Variants in UBE2E2 observed in about 807,000 individuals in gnomAD.
UBE2E2 encodes the protein ubiquitin-conjugating enzyme E2 E2.
Under a neutral mutation model 24.7 loss-of-function variants are expected in UBE2E2, and 6 were observed. That is an observed-to-expected ratio of 0.24 (90% CI 0.13 to 0.48). The LOEUF (loss-of-function observed/expected upper bound fraction) is 0.48. UBE2E2 is among the 20% of genes least tolerant of loss of function. The pLI is 0.99. For synonymous variants in UBE2E2, 104 were observed against 83.6 expected (o/e 1.24, Z -1.33); for missense variants, 169 against 245.0 (o/e 0.69, Z 2.07).
rs1433298949 is a variant in UBE2E2 at position 23,280,905 on chromosome 3, C to G, written c.227+63593C>G. On this transcript the variant is annotated intron_variant, in intron 3 of 5. Coordinates refer to ENST00000396703, the MANE Select transcript of UBE2E2 (RefSeq NM_152653.4). This position sits in a 1 kb window ranked among gnomAD's most constrained non-coding sequence, Gnocchi z 4.3. ...CTTAAACAGCATTTATTTCTCACAA[C>G]TCAGGAGATTGGGAAGTCCAAGATC... 6.6e-6 allele frequency among the ~76,000 whole-genome samples: 1 copy of G among 152,200 alleles called. No individual in the cohort carries two copies. The highest frequency in any genetic ancestry group is 2.4e-5 in the African/African-American group (1 of 41,452).
chr3:23,478,699 C>A (rs918636028), intron 3 of UBE2E2, among the ~76,000 whole-genome samples: 4 of 152,086 alleles, frequency 2.6e-5, no homozygotes, highest in Admixed American at 6.5e-5. Context: ...CTCATTTGAT[C>A]ATCCTTTTAC....
chr3:23,569,762 A>G (rs567877993), intron 5 of UBE2E2, among the ~76,000 whole-genome samples: 1 of 152,312 alleles, frequency 6.6e-6, no homozygotes, highest in South Asian at 2.1e-4. Flanking sequence ...CTAAAAGGAC[A>G]TTTTATATTT....
chr3:23,272,743 T>C (rs931007494), intron 3 of UBE2E2, among the ~76,000 whole-genome samples: 34 of 152,024 alleles, frequency 2.2e-4, no homozygotes, highest in Non-Finnish European at 2.2e-4. Context: ...TGCCAAGATA[T>C]GGAGACGGCA....
chr3:23,207,430 A>G lies in UBE2E2; in HGVS notation c.-8-1262A>G, dbSNP rs966204839. ...GGATATTTTAGCCAGAATGTGGGGA[A>G]AAAAAAAAAAATCTTCAGTGTCTTC... is the stretch of plus-strand genomic sequence containing the variant. On this transcript the variant is annotated intron_variant, in intron 1 of 5. Transcript: ENST00000396703. 8.6e-5 allele frequency among the ~76,000 whole-genome samples: 7 copies of G among 81,376 alleles called. 1 individual carries two copies. The highest frequency in any genetic ancestry group is 8.0e-4 in the South Asian group (2 of 2,492). The allele number at this position is 81,376 out of a possible 152,430, so 53.4% of individuals were successfully genotyped here. A position where few individuals can be genotyped will look rare whatever the true frequency, so the allele number is the denominator to read the frequency against.
intron 3 of UBE2E2, among the ~76,000 whole-genome samples, chr3:23,459,450 G>A (rs1698760122): frequency 6.6e-6 from 1 of 152,132 alleles, no homozygotes; most frequent in Non-Finnish European, 1.5e-5. Context: ...AGAACTTTTA[G>A]CTCTTCTCCA....
chr3:23,400,057 G>T (rs1373925453), intron 3 of UBE2E2, among the ~76,000 whole-genome samples: 2 of 152,030 alleles, frequency 1.3e-5, no homozygotes, highest in Non-Finnish European at 2.9e-5. Context: ...CTACTCCACT[G>T]ATAAAATGCT....
At position 23,462,201 on chromosome 3, in the gene UBE2E2, G is replaced by C. The variant is rs543100977; in HGVS notation, c.228-37407G>C. Among the ~76,000 whole-genome samples, 292 of 150,902 alleles carry C rather than the reference G, an allele frequency of 1.9e-3. 2 individuals are homozygous for C. The highest frequency in any genetic ancestry group is 3.4e-3 in the Non-Finnish European group (233 of 67,866). On this transcript the variant is annotated intron_variant, in intron 3 of 5. Coordinates refer to ENST00000396703, the MANE Select transcript of UBE2E2 (RefSeq NM_152653.4). ...TAACACTTTCTGTACTTTATCTGCT[G>C]TTCTTAATATTGCTAAGATTCTTAT...
At chr3:23,467,523 A>G (rs1208641764) in intron 3 of UBE2E2, among the ~76,000 whole-genome samples, 2 of 152,206 alleles carry the variant, frequency 1.3e-5, no homozygotes, top group Admixed American at 6.5e-5. Context: ...GGGCCTAACA[A>G]TCCTTACTTC....
chr3:23,575,590 TACA>T (rs1393549535), intron 5 of UBE2E2, among the ~76,000 whole-genome samples: 3 of 152,162 alleles, frequency 2.0e-5, no homozygotes, highest in African/African-American at 7.2e-5. Flanking sequence ...TAAATACAGG[TACA>T]ACGACAGATT....
chr3:23,339,933 C>T (rs1317643792), intron 3 of UBE2E2, among the ~76,000 whole-genome samples: 1 of 151,858 alleles, frequency 6.6e-6, no homozygotes, highest in Non-Finnish European at 1.5e-5. Flanking sequence ...ACGGGAAATA[C>T]TGAAATATTT....
chr3:23,504,338 G>T (rs894517436), intron 4 of UBE2E2, among the ~76,000 whole-genome samples: 7 of 152,120 alleles, frequency 4.6e-5, no homozygotes, highest in African/African-American at 1.7e-4. Flanking sequence ...TCACTTTCAT[G>T]TGGCTGAACA....
intron 3 of UBE2E2, among the ~76,000 whole-genome samples, chr3:23,339,053 A>G (rs1695299288): frequency 6.6e-6 from 1 of 152,198 alleles, no homozygotes. Context: ...TTCTTAACCA[A>G]CTAATCAAAG....
chr3:23,352,375 A>C (rs1201424034), intron 3 of UBE2E2, among the ~76,000 whole-genome samples: 2 of 152,206 alleles, frequency 1.3e-5, no homozygotes, highest in Non-Finnish European at 2.9e-5. Context: ...GCAAGAAATA[A>C]CTAAAATCAG....
chr3:23,524,849 TACACACAG>T (rs1036851446), intron 4 of UBE2E2, among the ~76,000 whole-genome samples: 13 of 132,364 alleles, frequency 9.8e-5, no homozygotes, highest in Non-Finnish European at 1.8e-4. Context: ...GAGATACAGA[TACACACAG>T]ACACACAGAC....
chr3:23,215,148 A>G (rs569979715), intron 2 of UBE2E2, among the ~76,000 whole-genome samples: 2 of 152,052 alleles, frequency 1.3e-5, no homozygotes, highest in South Asian at 2.1e-4. Context: ...TTTATTCTCT[A>G]CTTTGTAAAT....
chr3:23,531,944 C>G (rs1695132011), intron 4 of UBE2E2, among the ~76,000 whole-genome samples: 1 of 151,914 alleles, frequency 6.6e-6, no homozygotes. Context: ...CACCTCTAAT[C>G]CCAGCTACTT....
rs553492301 is a variant in UBE2E2, at chr3:23,478,626, G to C, written c.228-20982G>C. On this transcript the variant is annotated intron_variant, in intron 3 of 5. Coordinates refer to ENST00000396703, the MANE Select transcript of UBE2E2 (RefSeq NM_152653.4). Reference sequence around the variant, plus strand: ...TTTTTCTTCCCGTAGAAGAGAAGCTGGTCTTTACTAAAGTAGCAAATTCAA... The same window carrying C: ...TTTTTCTTCCCGTAGAAGAGAAGCTCGTCTTTACTAAAGTAGCAAATTCAA... Among the ~76,000 whole-genome samples, 257 of 150,198 alleles carry C rather than the reference G, an allele frequency of 1.7e-3. 1 individual carries two copies. The highest frequency in any genetic ancestry group is 6.1e-3 in the African/African-American group (242 of 39,610).
intron 3 of UBE2E2, among the ~76,000 whole-genome samples, chr3:23,353,522 A>C (rs13098798): frequency 0.073 from 11,126 of 152,298 alleles, 519 homozygotes; most frequent in Non-Finnish European, 0.088. Flanking sequence ...TAAGCTGATA[A>C]GCAACTTCAG....
At chr3:23,300,362 C>T (rs567602956) in intron 3 of UBE2E2, among the ~76,000 whole-genome samples, 1 of 152,160 alleles carries the variant, frequency 6.6e-6, no homozygotes, top group Non-Finnish European at 1.5e-5. Flanking sequence ...ATAGTTGATG[C>T]AGTTTCTTCC....
Sources: allele counts gnomAD v4.1 joint callset (sites outside exome capture counted in the v4.1 genomes callset), GRCh38; gene constraint gnomAD v4.1.1; non-coding constraint Gnocchi (gnomAD v3.1); transcripts MANE v1.5; gene names NCBI Gene and HGNC (gene_info 2026-07-23, HGNC 2026-07-21).